The following RPP30 variants were observed in gnomAD, a reference collection of about 807,000 sequenced individuals.
The protein encoded by RPP30 is ribonuclease P/MRP subunit p30, also known as ribonuclease P protein subunit p30.
RPP30 carries 36 observed loss-of-function variants against 38.6 expected under a neutral mutation model. The ratio of observed to expected loss-of-function variants is 0.93; its 90% CI spans 0.71 to 1.23. The LOEUF is 1.23. Among genes scored for constraint, RPP30 ranks in the 50% most tolerant of loss-of-function variants. The pLI, the probability that RPP30 is intolerant of heterozygous loss-of-function variation, is 0.00. For missense variants in RPP30, 321 were observed against 321.7 expected, an observed-to-expected ratio of 1.00 and a Z score of 0.02; for synonymous variants, 126 against 112.7, an observed-to-expected ratio of 1.12 and a Z score of -0.75.
At chr10:90,874,662 A>G (rs1238753895) in intron 1 of RPP30, among the ~76,000 whole-genome samples, 1 of 152,224 alleles carries the variant, frequency 6.6e-6, no homozygotes, top group Non-Finnish European at 1.5e-5. Flanking sequence ...TCACCATTTG[A>G]CAGATGAGGA....
intron 10 of RPP30, among the ~76,000 whole-genome samples, chr10:90,900,042 A>C (rs1847183339): frequency 6.6e-6 from 1 of 152,250 alleles, no homozygotes; most frequent in Admixed American, 6.5e-5. Context: ...GATTTTATTC[A>C]TTAACTCAAC....
At chr10:90,875,534 G>T in intron 2 of RPP30, 24 bp from the exon 3 acceptor site, 3 of 1,601,012 alleles carry the variant, frequency 1.9e-6, no homozygotes, top group Non-Finnish European at 2.6e-6. Flanking sequence ...ACAATCTGCA[G>T]TAACTATTTA....
At chr10:90,883,951 C>T (rs1039409848) in intron 5 of RPP30, among the ~76,000 whole-genome samples, 5 of 152,018 alleles carry the variant, frequency 3.3e-5, no homozygotes, top group Non-Finnish European at 5.9e-5. Context: ...CCTTTGTTCT[C>T]CCCTTTCTCC....
chr10:90,886,099 TA>T (rs1846996950), intron 6 of RPP30, among the ~76,000 whole-genome samples, 198 bp downstream of exon 6: 2 of 152,164 alleles, frequency 1.3e-5, no homozygotes, highest in Non-Finnish European at 2.9e-5. Flanking sequence ...TCCAGTTAAT[TA>T]TTAAGATGTT....
intron 6 of RPP30, among the ~76,000 whole-genome samples, chr10:90,887,925 T>C (rs1000876677): frequency 3.9e-5 from 6 of 152,190 alleles, no homozygotes; most frequent in African/African-American, 1.4e-4. Context: ...AAAGTTCTGA[T>C]TGGTTGTCTG....
chr10:90,879,056 T>C lies in RPP30; in HGVS notation c.271-7T>C, dbSNP rs374963629. The C allele has an allele frequency of 1.2e-6, 2 of 1,612,558 alleles. No homozygotes were observed. The highest frequency in any genetic ancestry group is 1.7e-6 in the Non-Finnish European group (2 of 1,179,160). On this transcript the variant is annotated splice_polypyrimidine_tract_variant and splice_region_variant and intron_variant, in intron 4 of 10. Transcript: ENST00000371703. ...ATTGTATGATAACATTCTTTTTGTA[T>C]TCCTAGAGAGCAACTTCTTCAAGGG... is the stretch of plus-strand genomic sequence containing the variant.
chr10:90,893,413 G>T (rs889940571), intron 6 of RPP30, among the ~76,000 whole-genome samples: 1 of 152,150 alleles, frequency 6.6e-6, no homozygotes, highest in Non-Finnish European at 1.5e-5. Context: ...ATACTGCCTA[G>T]AACATGCCTA....
At chr10:90,879,819 C>A (rs1343382282) in intron 5 of RPP30, among the ~76,000 whole-genome samples, 1 of 152,130 alleles carries the variant, frequency 6.6e-6, no homozygotes, top group Non-Finnish European at 1.5e-5. Context: ...AAGGAAAAAA[C>A]AACTGTAATG....
At chr10:90,907,400 G>T (rs892102313), downstream of RPP30, among the ~76,000 whole-genome samples, 1 of 152,186 alleles carries the variant, frequency 6.6e-6, no homozygotes, top group Non-Finnish European at 1.5e-5. Context: ...CCTGTGGGAG[G>T]TGGACTCCCT....
intron 6 of RPP30, among the ~76,000 whole-genome samples, chr10:90,891,132 T>C (rs1847077283): frequency 6.6e-6 from 1 of 152,258 alleles, no homozygotes; most frequent in Non-Finnish European, 1.5e-5. Context: ...TTAAACTGTA[T>C]GATCTCACAG....
intron 2 of RPP30, among the ~76,000 whole-genome samples, chr10:90,875,347 A>T (rs1846837279): frequency 6.6e-6 from 1 of 152,186 alleles, no homozygotes; most frequent in Admixed American, 6.5e-5. Flanking sequence ...ATTAGTTTTC[A>T]TTCTTCCTAT....
At chr10:90,896,700 GC>G (rs1383635460) in intron 10 of RPP30, among the ~76,000 whole-genome samples, 1 of 152,076 alleles carries the variant, frequency 6.6e-6, no homozygotes, top group Non-Finnish European at 1.5e-5. Flanking sequence ...TCACCAGAAG[GC>G]CATGCTTTCC....
rs1301325714 is a variant in RPP30, at chr10:90,894,848, C to G, written c.506C>G (p.Thr169Arg). 1 of 1,613,290 alleles carries G rather than the reference C, an allele frequency of 6.2e-7. No individual in the cohort carries two copies. Among genetic ancestry groups the G allele is most frequent in the Non-Finnish European group, 8.5e-7 (1 of 1,179,346 alleles). The change falls in exon 7 of 11, where the codon ACA becomes AGA. Residue 169 changes from threonine to arginine, a missense_variant. Coordinates refer to ENST00000371703, the MANE Select transcript of RPP30 (RefSeq NM_006413.5). The stretch of plus-strand genomic sequence containing the variant: ...AAAGACTCCACAATGAGAAGGTATA[C>G]AATTTCCAGTGCCCTCAATTTGATG... Reference protein sequence around the residue: ...AIKDSTMRRYTISSALNLMQI... With the variant: ...AIKDSTMRRYRISSALNLMQI...
Position 90,876,156 on chromosome 10 carries a change from T to C in RPP30, c.270+58T>C, listed in dbSNP as rs1052047032. The C allele has an allele frequency of 8.3e-6, 9 of 1,081,070 alleles. No homozygotes were observed. The African/African-American group carries it at 9.4e-5, about 11-fold the overall frequency. The allele number at this position is 1,081,070 out of a possible 1,614,324, so 67.0% of individuals were successfully genotyped here. A position where few individuals can be genotyped will look rare whatever the true frequency, so the allele number is the denominator to read the frequency against. On this transcript the variant is annotated intron_variant, in intron 4 of 10. Transcript: ENST00000371703. ...CTTTGTGAGTTGTATTGATTAATGTTGAACAATGTTGCATTTTGTCTTCCC... is the reference window on the plus strand; with the variant it reads ...CTTTGTGAGTTGTATTGATTAATGTCGAACAATGTTGCATTTTGTCTTCCC...
chr10:90,873,804 T>C (rs7101168), intron 1 of RPP30, among the ~76,000 whole-genome samples: 56,276 of 151,948 alleles, frequency 0.37, 12,097 homozygotes, highest in Non-Finnish European at 0.47. Flanking sequence ...GGTACAGGCA[T>C]ACTTGTGATT....
rs2120240343 is a variant in RPP30 at position 90,901,363 on chromosome 10, C to T, written c.*684C>T. On this transcript the variant is annotated 3_prime_UTR_variant, in exon 11 of 11. Transcript: ENST00000371703. ...AGTAGTTATTTTGAAGATATTCAAA[C>T]TTATATTGAAGAAGTGACTTTAGTT... The T allele has an allele frequency of 1.0e-6, 1 of 981,298 alleles. No homozygotes were observed. The highest frequency in any genetic ancestry group is 4.7e-5 in the South Asian group (1 of 21,182). The allele number at this position is 981,298 out of a possible 1,614,324, so 60.8% of individuals were successfully genotyped here.
downstream of RPP30, among the ~76,000 whole-genome samples, chr10:90,907,527 C>G (rs1485193455): frequency 2.0e-5 from 3 of 152,200 alleles, no homozygotes; most frequent in Non-Finnish European, 4.4e-5. Context: ...CGTATACACT[C>G]TCCCAGATAG....
intron 6 of RPP30, among the ~76,000 whole-genome samples, chr10:90,889,897 G>A (rs570529396): frequency 1.3e-5 from 2 of 152,186 alleles, no homozygotes; most frequent in East Asian, 1.9e-4. Context: ...ACTTGTCATC[G>A]CATTTCTGTC....
chr10:90,894,670 G>C, intron 6 of RPP30, 105 bp from the exon 7 acceptor site: 1 of 784,686 alleles, frequency 1.3e-6, no homozygotes, highest in East Asian at 2.5e-5. Flanking sequence ...TGACATGTAA[G>C]GGGTCAGTAG....
Sources: allele counts gnomAD v4.1 joint callset (sites outside exome capture counted in the v4.1 genomes callset), GRCh38; gene constraint gnomAD v4.1.1; transcripts MANE v1.5; gene names NCBI Gene and HGNC (gene_info 2026-07-23, HGNC 2026-07-21).